WNT3A: variants seen among roughly 807,000 people sequenced by gnomAD.
The protein encoded by WNT3A is Wnt family member 3A.
WNT3A carries 17 observed loss-of-function variants against 37.0 expected under a neutral mutation model. The observed-to-expected ratio is 0.46, with a 90% confidence interval of 0.31 to 0.69. The LOEUF is 0.69. Ranked by LOEUF, WNT3A falls within the 30% of genes least tolerant of loss-of-function variation. The probability of loss-of-function intolerance (pLI) is 0.05; values close to 1 mark genes in which losing one functional copy is unlikely to be tolerated. For missense variants in WNT3A, 411 were observed against 510.2 expected (o/e 0.81, Z 1.87); for synonymous variants, 187 against 211.0 (o/e 0.89, Z 0.99).
chr1:228,047,586 G>T (rs148649995), intron 2 of WNT3A, among the ~76,000 whole-genome samples: 4 of 152,198 alleles, frequency 2.6e-5, no homozygotes, highest in Admixed American at 2.6e-4. Flanking sequence ...CCACATGCCT[G>T]TGTCCCTGAG....
At chr1:228,032,941 C>T (rs963481825) in intron 2 of WNT3A, among the ~76,000 whole-genome samples, 1 of 152,230 alleles carries the variant, frequency 6.6e-6, no homozygotes, top group South Asian at 2.1e-4. Context: ...TGTTGAGCAT[C>T]TTTTCATGTG....
intron 2 of WNT3A, among the ~76,000 whole-genome samples, chr1:228,045,428 C>T (rs1457377791): frequency 6.6e-6 from 1 of 152,130 alleles, no homozygotes; most frequent in African/African-American, 2.4e-5. Context: ...CAGGAGCACC[C>T]AGGACACTCC....
intron 1 of WNT3A, among the ~76,000 whole-genome samples, chr1:228,015,711 C>A (rs1170061851): frequency 6.6e-6 from 1 of 150,798 alleles, no homozygotes; most frequent in Non-Finnish European, 1.5e-5. Context: ...CCGCCTCCCC[C>A]CCACCCCCGC....
rs2030272251 is a variant in WNT3A, at chr1:228,008,529, C to T, written c.71+1330C>T. 6.6e-6 allele frequency among the ~76,000 whole-genome samples: 1 copy of T among 152,096 alleles called. No homozygotes were observed. The highest frequency in any genetic ancestry group is 2.1e-4 in the South Asian group (1 of 4,828). On this transcript the variant is annotated intron_variant, in intron 1 of 3. Coordinates refer to ENST00000284523, the MANE Select transcript of WNT3A (RefSeq NM_033131.4). The surrounding 1 kb of genome is among the most constrained non-coding windows in gnomAD (Gnocchi z 4.9). ...ACGCGCTTCGGGGACCCCCGCGCGC[C>T]CCTATTTCCGCGTGCCCCATTTCCC...
rs762211395 is a variant in WNT3A at position 228,060,265 on chromosome 1, G to T, written c.*800G>T. 5 of 1,351,590 alleles carry T rather than the reference G, an allele frequency of 3.7e-6. No individual in the cohort carries two copies. The highest frequency in any genetic ancestry group is 4.5e-5 in the East Asian group (1 of 21,986). 83.7% of individuals were successfully genotyped at this position (1,351,590 alleles called of 1,614,324 possible). A position where few individuals can be genotyped will look rare whatever the true frequency, so the allele number is the denominator to read the frequency against. On this transcript the variant is annotated 3_prime_UTR_variant, in exon 4 of 4. Coordinates refer to ENST00000284523, the MANE Select transcript of WNT3A (RefSeq NM_033131.4). ...CACCTCATCCCCAACCCCCTGTAAGGTTCCATCCACCCCTGCGTCGAGCTG... is the reference window on the plus strand; with the variant it reads ...CACCTCATCCCCAACCCCCTGTAAGTTTCCATCCACCCCTGCGTCGAGCTG...
chr1:228,034,547 T>A (rs2031090011), intron 2 of WNT3A, among the ~76,000 whole-genome samples: 1 of 152,178 alleles, frequency 6.6e-6, no homozygotes, highest in Non-Finnish European at 1.5e-5. Flanking sequence ...CACCACTGGA[T>A]AGGATGTTAG....
intron 2 of WNT3A, among the ~76,000 whole-genome samples, chr1:228,049,079 G>T (rs1233265262): frequency 6.6e-6 from 1 of 152,238 alleles, no homozygotes; most frequent in Non-Finnish European, 1.5e-5. Context: ...AGCCTTCCAA[G>T]CTGGAGGCAG....
chr1:228,045,524 G>C (rs770766786), intron 2 of WNT3A, among the ~76,000 whole-genome samples: 1 of 152,214 alleles, frequency 6.6e-6, no homozygotes, highest in Non-Finnish European at 1.5e-5. Context: ...GACGACCTGA[G>C]TCCTTTAAAG....
At chr1:228,020,357 G>A (rs975851380) in intron 1 of WNT3A, among the ~76,000 whole-genome samples, 4 of 152,214 alleles carry the variant, frequency 2.6e-5, no homozygotes, top group Admixed American at 6.5e-5. Flanking sequence ...TGAAAACCAC[G>A]AGTCCAGCCC....
chr1:228,036,260 T>G (rs1558290021), intron 2 of WNT3A, among the ~76,000 whole-genome samples: 1 of 152,142 alleles, frequency 6.6e-6, no homozygotes, highest in African/African-American at 2.4e-5. Flanking sequence ...GCCCAGCCTC[T>G]TGTGTGTGTG....
chr1:228,046,082 T>G (rs954933739), intron 2 of WNT3A, among the ~76,000 whole-genome samples: 2 of 152,196 alleles, frequency 1.3e-5, no homozygotes, highest in Non-Finnish European at 2.9e-5. Context: ...AGGTCCAGCC[T>G]GAGCCAAGGA....
chr1:228,052,717 G>A (rs1205370511), intron 3 of WNT3A, among the ~76,000 whole-genome samples: 1 of 152,224 alleles, frequency 6.6e-6, no homozygotes, highest in Non-Finnish European at 1.5e-5. Context: ...AGATAACTCA[G>A]ACTAATCTTC....
chr1:228,050,711 A>T lies in WNT3A; in HGVS notation c.369A>T (p.Ala123=). Residue 123 remains alanine, a synonymous_variant, in exon 3 of 4, where the codon GCA becomes GCT. Transcript: ENST00000284523. The surrounding 1 kb of genome is among the most constrained non-coding windows in gnomAD (Gnocchi z 5.0). ...HAIASAGVAF[A]VTRSCAEGTA... ...TTGCCTCAGCCGGTGTGGCCTTTGC[A>T]GTGACACGCTCATGTGCAGAAGGCA... 2 of 1,613,888 alleles carry T rather than the reference A, an allele frequency of 1.2e-6. No homozygotes were observed. The highest frequency in any genetic ancestry group is 1.7e-6 in the Non-Finnish European group (2 of 1,179,890).
intron 3 of WNT3A, among the ~76,000 whole-genome samples, chr1:228,056,519 A>G (rs973005510): frequency 1.3e-5 from 2 of 152,224 alleles, no homozygotes; most frequent in African/African-American, 4.8e-5. Flanking sequence ...CACAAGACAG[A>G]AAGAAAAAAA....
At chr1:228,055,230 A>ACACACAC (rs2102782611) in intron 3 of WNT3A, among the ~76,000 whole-genome samples, 1 of 136,202 alleles carries the variant, frequency 7.3e-6, no homozygotes, top group East Asian at 2.1e-4. Flanking sequence ...ACACACACAC[A>ACACACAC]ATAGATTTGG....
At chr1:228,014,653 G>A (rs916817398) in intron 1 of WNT3A, among the ~76,000 whole-genome samples, 1 of 152,258 alleles carries the variant, frequency 6.6e-6, no homozygotes, top group Non-Finnish European at 1.5e-5. Context: ...CACCTCCAGT[G>A]CCGCCACGTA....
rs185862679 is a variant in WNT3A at position 228,051,578 on chromosome 1, C to T, written c.579+657C>T. On this transcript the variant is annotated intron_variant, in intron 3 of 3. Transcript: ENST00000284523. ...CCAAGGTCATGGTACTAGCAGATAC[C>T]TTGTCCGGTGAGGGCCTGCTCCTCA... Among the ~76,000 whole-genome samples the T allele has an allele frequency of 5.0e-4, 76 of 152,274 alleles. 1 individual carries two copies. Among genetic ancestry groups the T allele is most frequent in the Admixed American group, 5.0e-3 (76 of 15,302 alleles).
intron 1 of WNT3A, among the ~76,000 whole-genome samples, chr1:228,020,993 C>T (rs370114867): frequency 5.9e-5 from 9 of 152,190 alleles, no homozygotes; most frequent in East Asian, 1.9e-4. Context: ...CTCCACCCAC[C>T]TCCACCAGTG....
At chr1:228,032,369 TG>T (rs1376749354) in intron 2 of WNT3A, among the ~76,000 whole-genome samples, 3 of 152,182 alleles carry the variant, frequency 2.0e-5, no homozygotes, top group Non-Finnish European at 4.4e-5. Flanking sequence ...GCAGATTGGC[TG>T]GGGGCCCAGC....
Sources: allele counts gnomAD v4.1 joint callset (sites outside exome capture counted in the v4.1 genomes callset), GRCh38; gene constraint gnomAD v4.1.1; non-coding constraint Gnocchi (gnomAD v3.1); transcripts MANE v1.5; gene names NCBI Gene and HGNC (gene_info 2026-07-23, HGNC 2026-07-21).